VMP1: variants seen among roughly 807,000 people sequenced by gnomAD.
VMP1 encodes the protein vacuole membrane protein 1.
Under a neutral mutation model 56.0 loss-of-function variants are expected in VMP1, and 11 were observed. The observed-to-expected ratio is 0.20, with a 90% CI of 0.12 to 0.32. VMP1 has a LOEUF of 0.32. Ranked by LOEUF, VMP1 falls within the 10% of genes least tolerant of loss-of-function variation. VMP1 has a pLI of 1.00. For synonymous variants in VMP1, 149 were observed against 165.0 expected, an observed-to-expected ratio of 0.90 and a Z score of 0.74; for missense variants, 296 against 490.3, an observed-to-expected ratio of 0.60 and a Z score of 3.74.
intron 5 of VMP1, among the ~76,000 whole-genome samples, chr17:59,764,516 GTCT>G (rs1478004856): frequency 6.6e-6 from 1 of 152,130 alleles, no homozygotes; most frequent in African/African-American, 2.4e-5. Flanking sequence ...TAGAGATGAG[GTCT>G]TGCTTTGTAG....
chr17:59,715,977 T>A (rs2034136145), intron 1 of VMP1, among the ~76,000 whole-genome samples: 1 of 152,074 alleles, frequency 6.6e-6, no homozygotes. Context: ...ACCTAGAAAA[T>A]TTTTTATTTT....
At position 59,737,562 on chromosome 17, in the gene VMP1, C is replaced by A. The variant is rs372269498; in HGVS notation, c.303+19C>A. ...TCAACAGGTGAGAGGTCGAGCAATT[C>A]TGTTTCTAGTCTTGCACATTCTCTA... On this transcript the variant is annotated intron_variant, in intron 4 of 11. Coordinates refer to ENST00000262291, the MANE Select transcript of VMP1 (RefSeq NM_030938.5). The A allele has an allele frequency of 2.5e-6, 4 of 1,588,340 alleles. No individual in the cohort carries two copies. In the South Asian group the frequency reaches 4.6e-5, roughly 18 times the overall value.
At chr17:59,724,258 T>C (rs1297883630) in intron 1 of VMP1, among the ~76,000 whole-genome samples, 2 of 146,062 alleles carry the variant, frequency 1.4e-5, no homozygotes, top group Non-Finnish European at 3.0e-5. Flanking sequence ...AGAAAGTCAA[T>C]GTCTGAAAAT....
intron 5 of VMP1, among the ~76,000 whole-genome samples, chr17:59,743,561 T>G (rs1185191236): frequency 7.2e-6 from 1 of 139,026 alleles, no homozygotes; most frequent in Non-Finnish European, 1.6e-5. Flanking sequence ...AAAAAACTGC[T>G]CTCTCTCTCT....
At chr17:59,783,827 C>T (rs2036910434) in intron 7 of VMP1, among the ~76,000 whole-genome samples, 1 of 152,096 alleles carries the variant, frequency 6.6e-6, no homozygotes, top group Non-Finnish European at 1.5e-5. Context: ...AGTAGGTCTA[C>T]TCTTTACTAG....
intron 10 of VMP1, among the ~76,000 whole-genome samples, chr17:59,832,384 C>T (rs911943441): frequency 1.1e-4 from 17 of 151,118 alleles, no homozygotes; most frequent in Middle Eastern, 3.4e-3. Context: ...AGGCTGGTCT[C>T]GAACTCCTGA....
rs186273670 is a variant in VMP1, at chr17:59,710,449, C to T, written c.-27+2701C>T. ...ATCTTATTATGGTTTGGTAATATTT[C>T]CAAGTTCACATGAAAATAATTACTC... On this transcript the variant is annotated intron_variant, in intron 1 of 11. Transcript: ENST00000262291. 1.1e-4 allele frequency among the ~76,000 whole-genome samples: 16 copies of T among 152,252 alleles called. No homozygotes were observed. The East Asian group carries it at 3.1e-3, about 29-fold the overall frequency.
intron 10 of VMP1, among the ~76,000 whole-genome samples, chr17:59,834,211 C>A (rs1222044828): frequency 1.3e-5 from 2 of 152,116 alleles, no homozygotes; most frequent in East Asian, 3.9e-4. Context: ...CCTGCCTTAG[C>A]CTCCCAAAAT....
At chr17:59,810,892 A>T (rs1318077202) in intron 8 of VMP1, among the ~76,000 whole-genome samples, 1 of 152,220 alleles carries the variant, frequency 6.6e-6, no homozygotes, top group African/African-American at 2.4e-5. Flanking sequence ...GCTCAAAAAC[A>T]GCTTGTGGCT....
In VMP1 at chr17:59,832,906, C is replaced by T. The variant is rs543916603; in HGVS notation, c.975-5389C>T. Reference sequence around the variant, plus strand: ...GATTACAGGCATGAACCACCATGCCCGGCCGAAATGGTAATTCTTTGAATT... The same window carrying T: ...GATTACAGGCATGAACCACCATGCCTGGCCGAAATGGTAATTCTTTGAATT... On this transcript the variant is annotated intron_variant, in intron 10 of 11. Coordinates refer to ENST00000262291, the MANE Select transcript of VMP1 (RefSeq NM_030938.5). Among the ~76,000 whole-genome samples the T allele has an allele frequency of 3.3e-5, 5 of 151,934 alleles. No individual in the cohort carries two copies. In the East Asian group the frequency reaches 7.7e-4, roughly 23 times the overall value.
intron 5 of VMP1, among the ~76,000 whole-genome samples, chr17:59,740,897 C>G (rs1237959158): frequency 6.6e-6 from 1 of 152,186 alleles, no homozygotes; most frequent in African/African-American, 2.4e-5. Flanking sequence ...AGATAGCAGA[C>G]TCTGCTGAAT....
intron 8 of VMP1, among the ~76,000 whole-genome samples, chr17:59,809,463 G>A (rs190617491): frequency 5.3e-5 from 7 of 133,132 alleles, no homozygotes; most frequent in African/African-American, 1.5e-4. Context: ...GATTTCAGGC[G>A]ACTGCCACCA....
chr17:59,727,247 G>C (rs2034642840), intron 1 of VMP1, among the ~76,000 whole-genome samples: 1 of 151,810 alleles, frequency 6.6e-6, no homozygotes, highest in African/African-American at 2.4e-5. Flanking sequence ...CCGTTCTCCT[G>C]CCTCAGCCTC....
chr17:59,833,858 C>T lies in VMP1; in HGVS notation c.975-4437C>T, dbSNP rs142879640. Among the ~76,000 whole-genome samples the T allele has an allele frequency of 6.0e-3, 906 of 152,250 alleles. 5 individuals carry two copies. Among genetic ancestry groups the T allele is most frequent in the African/African-American group, 0.02 (834 of 41,534 alleles). ...CATTTCCCTAAACAACAAAAACATA[C>T]TCTTTGTAACATTTGGGTCTTGGTT... On this transcript the variant is annotated intron_variant, in intron 10 of 11. Transcript: ENST00000262291.
At chr17:59,775,331 C>G (rs866937005) in intron 7 of VMP1, among the ~76,000 whole-genome samples, 3 of 152,166 alleles carry the variant, frequency 2.0e-5, no homozygotes, top group Non-Finnish European at 4.4e-5. Flanking sequence ...GGGAGGATCA[C>G]TTGAGCCTGG....
intron 7 of VMP1, among the ~76,000 whole-genome samples, chr17:59,778,234 T>C (rs985757096): frequency 6.6e-6 from 1 of 152,138 alleles, no homozygotes; most frequent in African/African-American, 2.4e-5. Context: ...CTTATTTGTA[T>C]GTTTATATAA....
intron 7 of VMP1, among the ~76,000 whole-genome samples, chr17:59,781,445 A>G (rs16943859): frequency 0.037 from 5,614 of 152,268 alleles, 373 homozygotes; most frequent in African/African-American, 0.13. Flanking sequence ...AATTTTAGTC[A>G]CAAGTTCCTT....
In VMP1 at chr17:59,794,077, C is replaced by T. The variant is rs149288776; in HGVS notation, c.715-14719C>T. ...CTGGGACTACAAGCACCTGCCACCA[C>T]GCCTGGCTAATTTTTTGTATTTTTA... On this transcript the variant is annotated intron_variant, in intron 7 of 11. Coordinates refer to ENST00000262291, the MANE Select transcript of VMP1 (RefSeq NM_030938.5). Among the ~76,000 whole-genome samples the T allele has an allele frequency of 1.5e-3, 228 of 151,488 alleles. 1 individual carries two copies. Among genetic ancestry groups the T allele is most frequent in the African/African-American group, 5.3e-3 (217 of 41,240 alleles).
At chr17:59,774,419 A>T (rs66716063) in intron 7 of VMP1, among the ~76,000 whole-genome samples, 12 of 121,558 alleles carry the variant, frequency 9.9e-5, no homozygotes, top group Non-Finnish European at 2.1e-4. Context: ...CTCTAAAAAA[A>T]AAAAAGAAAG....
Sources: gnomAD v4.1 joint callset for allele counts (sites outside exome capture counted in the v4.1 genomes callset) on GRCh38, gnomAD v4.1.1 for gene constraint, MANE v1.5 for transcripts, NCBI Gene and HGNC (gene_info 2026-07-23, HGNC 2026-07-21) for gene names.